The following THSD4 variants were observed in gnomAD, a reference collection of about 807,000 sequenced individuals.
The protein encoded by THSD4 is thrombospondin type-1 domain-containing protein 4.
A neutral mutation model predicts 119.0 loss-of-function variants in THSD4; 69 were observed. That is an observed-to-expected ratio of 0.58 (90% CI 0.48 to 0.71). The LOEUF (loss-of-function observed/expected upper bound fraction) is 0.71. Among genes scored for constraint, THSD4 ranks in the 30% least tolerant of loss-of-function variants. THSD4 has a pLI of 0.00. For missense variants in THSD4, 1,393 were observed against 1,391.1 expected (o/e 1.00, Z -0.02); for synonymous variants, 524 against 540.4 (o/e 0.97, Z 0.42).
chr15:71,742,781 G>A lies in THSD4; in HGVS notation c.1907-2325G>A, dbSNP rs879495325. Among the ~76,000 whole-genome samples, 12 of 152,230 alleles carry A rather than the reference G, an allele frequency of 7.9e-5. No homozygotes were observed. In the East Asian group the frequency reaches 1.2e-3, roughly 15 times the overall value. On this transcript the variant is annotated intron_variant, in intron 11 of 17. Coordinates refer to ENST00000261862, the MANE Select transcript of THSD4 (RefSeq NM_024817.3). ...CAAGAGTTGTAGATATGGGTCAGGC[G>A]CCGTGGCTTATGCCTGTAATCCCAG...
At chr15:71,561,614 C>T (rs1393274082) in intron 7 of THSD4, among the ~76,000 whole-genome samples, 1 of 152,050 alleles carries the variant, frequency 6.6e-6, no homozygotes, top group Admixed American at 6.6e-5. Flanking sequence ...GTCAGGAATC[C>T]GGAGTGTAGC....
chr15:71,466,028 C>A (rs998268949), intron 7 of THSD4, among the ~76,000 whole-genome samples: 1 of 152,060 alleles, frequency 6.6e-6, no homozygotes, highest in African/African-American at 2.4e-5. Flanking sequence ...CTTTTCTCCC[C>A]TTCTTTCACT....
chr15:71,425,531 C>T (rs766966934), intron 7 of THSD4, among the ~76,000 whole-genome samples: 12 of 152,176 alleles, frequency 7.9e-5, no homozygotes, highest in Non-Finnish European at 1.3e-4. Context: ...AACCCTTCAT[C>T]GTCTGCCCCC....
chr15:71,368,360 A>G (rs1201258724), intron 6 of THSD4, among the ~76,000 whole-genome samples: 5 of 152,186 alleles, frequency 3.3e-5, no homozygotes, highest in Admixed American at 6.6e-5. Context: ...GTCCTTGCCC[A>G]TGCCTATGTC....
intron 7 of THSD4, among the ~76,000 whole-genome samples, chr15:71,442,518 G>A (rs1468064697): frequency 2.2e-5 from 3 of 134,710 alleles, no homozygotes; most frequent in East Asian, 4.4e-4. Context: ...GCAGCGAGCC[G>A]AGACCACACC....
intron 6 of THSD4, among the ~76,000 whole-genome samples, chr15:71,395,918 C>T (rs75177937): frequency 3.1e-5 from 4 of 129,002 alleles, no homozygotes; most frequent in African/African-American, 8.2e-5. Flanking sequence ...AAGAGAGACA[C>T]ACACACACAC....
At chr15:71,712,723 A>C (rs557397443) in intron 8 of THSD4, among the ~76,000 whole-genome samples, 1 of 152,358 alleles carries the variant, frequency 6.6e-6, no homozygotes, top group East Asian at 1.9e-4. Context: ...CCTAGGGTAC[A>C]TCGATGAAAT....
intron 3 of THSD4, among the ~76,000 whole-genome samples, chr15:71,163,118 G>A (rs985268942): frequency 6.6e-6 from 1 of 151,526 alleles, no homozygotes; most frequent in African/African-American, 2.4e-5. Flanking sequence ...TGCTTTTTGG[G>A]CATTTCATAA....
At chr15:71,599,175 C>T (rs1183949286) in intron 7 of THSD4, among the ~76,000 whole-genome samples, 1 of 152,150 alleles carries the variant, frequency 6.6e-6, no homozygotes, top group Non-Finnish European at 1.5e-5. Context: ...AATTGTAAAT[C>T]TTTGAGACTA....
intron 7 of THSD4, among the ~76,000 whole-genome samples, chr15:71,610,049 G>GT (rs2050194953): frequency 6.6e-6 from 1 of 152,158 alleles, no homozygotes; most frequent in Non-Finnish European, 1.5e-5. Context: ...GGTGAAAACT[G>GT]TTTGCAGAGA....
rs542228091 is a variant in THSD4, at chr15:71,741,468, G to A, written c.1906+3461G>A. Among the ~76,000 whole-genome samples, 6 of 152,140 alleles carry A rather than the reference G, an allele frequency of 3.9e-5. No homozygotes were observed. The South Asian group carries it at 1.0e-3, about 26-fold the overall frequency. On this transcript the variant is annotated intron_variant, in intron 11 of 17. Transcript: ENST00000261862. The stretch of plus-strand genomic sequence containing the variant: ...AGATCATGCCACTGCACTCCAGCCT[G>A]GGCAACAGAGCAAGACTCCGTCTCA...
intron 7 of THSD4, among the ~76,000 whole-genome samples, chr15:71,572,889 G>T (rs996036968): frequency 6.6e-6 from 1 of 152,130 alleles, no homozygotes; most frequent in Non-Finnish European, 1.5e-5. Context: ...GGCAGGGTTA[G>T]GTATGTGCCA....
intron 1 of THSD4, among the ~76,000 whole-genome samples, chr15:71,097,792 G>T (rs2040237657): frequency 6.7e-6 from 1 of 149,070 alleles, no homozygotes; most frequent in Admixed American, 6.8e-5. Flanking sequence ...AATGTTCATT[G>T]CTCTATAGAT....
intron 8 of THSD4, among the ~76,000 whole-genome samples, chr15:71,679,826 G>C (rs557769967): frequency 1.3e-5 from 2 of 152,206 alleles, no homozygotes; most frequent in Non-Finnish European, 2.9e-5. Context: ...AGCGGCTGCT[G>C]TAAAAAGGCC....
intron 1 of THSD4, among the ~76,000 whole-genome samples, chr15:71,141,231 C>T (rs1212683244): frequency 6.6e-6 from 1 of 152,228 alleles, no homozygotes; most frequent in Non-Finnish European, 1.5e-5. Flanking sequence ...ATTTACTGAA[C>T]ATCTTCTGTG....
At chr15:71,478,098 G>A (rs1247074120) in intron 7 of THSD4, among the ~76,000 whole-genome samples, 2 of 152,184 alleles carry the variant, frequency 1.3e-5, no homozygotes, top group Non-Finnish European at 2.9e-5. Flanking sequence ...GCATCTTAAT[G>A]AGAACCTATG....
chr15:71,746,432 T>C (rs8034979), intron 12 of THSD4, among the ~76,000 whole-genome samples: 3,200 of 152,240 alleles, frequency 0.021, 112 homozygotes, highest in African/African-American at 0.072. Flanking sequence ...TCCTACTCCA[T>C]TGCCCAGGCT....
intron 2 of THSD4, 112 bp from the exon 3 acceptor site, chr15:71,154,750 TG>T: frequency 9.6e-7 from 1 of 1,039,260 alleles, no homozygotes. Context: ...TCCCAGGGCC[TG>T]GGTTGGGCTG....
chr15:71,345,703 G>T (rs1207573758), intron 6 of THSD4, among the ~76,000 whole-genome samples: 4 of 151,920 alleles, frequency 2.6e-5, no homozygotes, highest in Admixed American at 1.3e-4. Flanking sequence ...TTAGGCAGTT[G>T]TTGCTAGAGA....
Sources: allele counts gnomAD v4.1 joint callset (sites outside exome capture counted in the v4.1 genomes callset), GRCh38; gene constraint gnomAD v4.1.1; transcripts MANE v1.5; gene names NCBI Gene and HGNC (gene_info 2026-07-23, HGNC 2026-07-21).